TAF4B: variants seen among roughly 807,000 people sequenced by gnomAD.
TAF4B encodes transcription initiation factor TFIID subunit 4B.
In TAF4B, 38 loss-of-function variants were observed where a neutral mutation model predicts 86.4. That is an observed-to-expected ratio of 0.44 (90% CI 0.34 to 0.58). The LOEUF is 0.58. Among genes scored for constraint, TAF4B ranks in the 20% least tolerant of loss-of-function variants. The pLI, the probability that TAF4B is intolerant of heterozygous loss-of-function variation, is 0.02. For missense variants in TAF4B, 988 were observed against 1,027.6 expected (o/e 0.96, Z 0.53); for synonymous variants, 388 against 391.2 (o/e 0.99, Z 0.10).
At position 26,345,771 on chromosome 18, in the gene TAF4B, A is replaced by G. The variant is rs116895383; in HGVS notation, c.2316+10540A>G. ...GTAGGGATACATCAAACATGAAAAA[A>G]CTACAGATAAATACCCATGAAAAGG... On this transcript the variant is annotated intron_variant, in intron 13 of 14. Transcript: ENST00000269142. Among the ~76,000 whole-genome samples the G allele has an allele frequency of 3.2e-4, 48 of 152,248 alleles. No homozygotes were observed. In the East Asian group the frequency reaches 8.9e-3, roughly 28 times the overall value.
At chr18:26,344,648 T>C (rs1367689464) in intron 13 of TAF4B, among the ~76,000 whole-genome samples, 2 of 152,258 alleles carry the variant, frequency 1.3e-5, no homozygotes, top group Non-Finnish European at 2.9e-5. Context: ...CATAATAGGC[T>C]ATTCTGCTTT....
At chr18:26,367,235 G>T (rs571102964) in intron 14 of TAF4B, among the ~76,000 whole-genome samples, 3 of 152,214 alleles carry the variant, frequency 2.0e-5, no homozygotes, top group African/African-American at 7.2e-5. Flanking sequence ...GAAGTCTCAC[G>T]CTATGCTGTC....
intron 14 of TAF4B, among the ~76,000 whole-genome samples, chr18:26,381,620 G>A (rs2057479199): frequency 6.6e-6 from 1 of 151,794 alleles, no homozygotes; most frequent in South Asian, 2.1e-4. Flanking sequence ...CCAGCTACTC[G>A]AGAGGCTGAG....
At chr18:26,304,375 A>G (rs986205955) in intron 9 of TAF4B, among the ~76,000 whole-genome samples, 1 of 152,348 alleles carries the variant, frequency 6.6e-6, no homozygotes, top group Admixed American at 6.5e-5. Context: ...GTATTTAAAA[A>G]TAAAATACGG....
chr18:26,385,391 A>G (rs972304942), intron 14 of TAF4B, among the ~76,000 whole-genome samples: 10 of 152,222 alleles, frequency 6.6e-5, no homozygotes, highest in African/African-American at 2.4e-4. Flanking sequence ...GGTATAACAA[A>G]ACAAATTAGG....
intron 7 of TAF4B, among the ~76,000 whole-genome samples, chr18:26,287,129 A>G (rs1200972636): frequency 1.3e-5 from 2 of 152,226 alleles, no homozygotes; most frequent in Non-Finnish European, 2.9e-5. Flanking sequence ...GGAAATTAAT[A>G]TTGGTACAGT....
At chr18:26,313,377 G>A (rs758600968) in intron 9 of TAF4B, among the ~76,000 whole-genome samples, 3 of 151,946 alleles carry the variant, frequency 2.0e-5, no homozygotes, top group Non-Finnish European at 2.9e-5. Flanking sequence ...TAATGCTTTC[G>A]ATGTTTAAAT....
intron 2 of TAF4B, 69 bp from the exon 3 acceptor site, chr18:26,267,447 A>G (rs1378926915): frequency 1.0e-6 from 1 of 971,186 alleles, no homozygotes; most frequent in Non-Finnish European, 1.7e-6. Context: ...TCTAATGTTC[A>G]CTGCAGTACT....
intron 14 of TAF4B, among the ~76,000 whole-genome samples, chr18:26,378,513 T>TG (rs1016057362): frequency 2.0e-5 from 3 of 152,280 alleles, no homozygotes; most frequent in Admixed American, 2.0e-4. Flanking sequence ...CATGTTCCTT[T>TG]GGGGAAGTCT....
chr18:26,229,893 A>G (rs1321190539), intron 1 of TAF4B, among the ~76,000 whole-genome samples: 1 of 152,056 alleles, frequency 6.6e-6, no homozygotes. Flanking sequence ...TTTCAAGATA[A>G]TGAATACTTT....
intron 14 of TAF4B, among the ~76,000 whole-genome samples, chr18:26,387,991 A>C (rs1978476968): frequency 6.6e-6 from 1 of 152,212 alleles, no homozygotes; most frequent in Admixed American, 6.5e-5. Context: ...CCATCAGAAC[A>C]AGAAACCCAA....
chr18:26,387,589 G>A (rs1978448055), intron 14 of TAF4B, among the ~76,000 whole-genome samples: 1 of 152,102 alleles, frequency 6.6e-6, no homozygotes, highest in South Asian at 2.1e-4. Context: ...TCACTGCCAG[G>A]CTTAGCTGAA....
chr18:26,260,542 C>T (rs1331948302), intron 1 of TAF4B, among the ~76,000 whole-genome samples: 1 of 152,204 alleles, frequency 6.6e-6, no homozygotes, highest in Non-Finnish European at 1.5e-5. Flanking sequence ...ATAGGGGCTC[C>T]TTTCCCCATT....
At chr18:26,259,272 C>T (rs2056129743) in intron 1 of TAF4B, among the ~76,000 whole-genome samples, 2 of 149,448 alleles carry the variant, frequency 1.3e-5, no homozygotes, top group African/African-American at 4.9e-5. Context: ...TTCTGAGAAT[C>T]TGTTTATTTT....
At chr18:26,322,927 G>C (rs1287674897) in intron 11 of TAF4B, among the ~76,000 whole-genome samples, 2 of 151,888 alleles carry the variant, frequency 1.3e-5, no homozygotes, top group Non-Finnish European at 2.9e-5. Context: ...GTTTTGGTAT[G>C]TTGTGTTGTC....
intron 1 of TAF4B, among the ~76,000 whole-genome samples, chr18:26,258,574 T>C (rs2056119270): frequency 6.6e-6 from 1 of 152,206 alleles, no homozygotes; most frequent in Admixed American, 6.5e-5. Context: ...TTACCAGTGC[T>C]CTTTGTTTTT....
intron 3 of TAF4B, among the ~76,000 whole-genome samples, chr18:26,273,795 C>G (rs947675740): frequency 7.2e-5 from 11 of 152,156 alleles, no homozygotes; most frequent in African/African-American, 2.4e-4. Flanking sequence ...CCTATCTTGA[C>G]TATTATAGAA....
chr18:26,382,789 C>G (rs909515063), intron 14 of TAF4B, among the ~76,000 whole-genome samples: 1 of 152,100 alleles, frequency 6.6e-6, no homozygotes, highest in Non-Finnish European at 1.5e-5. Flanking sequence ...GGTACAAAAT[C>G]TTTTTATTCT....
chr18:26,248,043 T>C (rs2077350561), intron 1 of TAF4B, among the ~76,000 whole-genome samples: 1 of 84,532 alleles, frequency 1.2e-5, no homozygotes, highest in South Asian at 4.6e-4. Flanking sequence ...GCCCAGCTAA[T>C]TTTTTTTTTT....
Sources: allele counts gnomAD v4.1 joint callset (sites outside exome capture counted in the v4.1 genomes callset), GRCh38; gene constraint gnomAD v4.1.1; transcripts MANE v1.5; gene names NCBI Gene and HGNC (gene_info 2026-07-23, HGNC 2026-07-21).